CMIP: variants seen among roughly 807,000 people sequenced by gnomAD.
The protein encoded by CMIP is C-Maf-inducing protein.
A neutral mutation model predicts 97.3 loss-of-function variants in CMIP; 13 were observed. The observed-to-expected ratio is 0.13, with a 90% CI of 0.09 to 0.21. The LOEUF (loss-of-function observed/expected upper bound fraction) is 0.21. CMIP is among the 10% of genes least tolerant of loss of function. The probability of loss-of-function intolerance (pLI) is 1.00; values close to 1 mark genes in which losing one functional copy is unlikely to be tolerated. For synonymous variants in CMIP, 538 were observed against 436.3 expected, an observed-to-expected ratio of 1.23 and a Z score of -2.91; for missense variants, 847 against 1,024.9, an observed-to-expected ratio of 0.83 and a Z score of 2.37.
intron 1 of CMIP, among the ~76,000 whole-genome samples, chr16:81,481,638 C>T (rs1329665218): frequency 6.6e-6 from 1 of 152,130 alleles, no homozygotes; most frequent in East Asian, 1.9e-4. Flanking sequence ...TGACAAATGA[C>T]CACAGGCTTT....
At chr16:81,687,983 G>C (rs1402183036) in intron 10 of CMIP, among the ~76,000 whole-genome samples, 1 of 152,204 alleles carries the variant, frequency 6.6e-6, no homozygotes, top group East Asian at 1.9e-4. Flanking sequence ...TCCCATGAGC[G>C]AACACAAGCA....
At chr16:81,688,912 G>A (rs185954438) in intron 10 of CMIP, among the ~76,000 whole-genome samples, 13 of 152,234 alleles carry the variant, frequency 8.5e-5, no homozygotes, top group Admixed American at 4.6e-4. Flanking sequence ...TGCGGTGTTC[G>A]TTTTCTGTCC....
At chr16:81,525,355 C>A (rs886880359) in intron 1 of CMIP, among the ~76,000 whole-genome samples, 1 of 152,040 alleles carries the variant, frequency 6.6e-6, no homozygotes, top group Non-Finnish European at 1.5e-5. Context: ...GTTGGCCAGG[C>A]TGGTCTTAAA....
At chr16:81,516,361 G>A (rs1422849179) in intron 1 of CMIP, among the ~76,000 whole-genome samples, 2 of 152,088 alleles carry the variant, frequency 1.3e-5, no homozygotes, top group Non-Finnish European at 2.9e-5. Context: ...GGGTCCCCTC[G>A]TCCACCCGAG....
At chr16:81,638,539 C>T (rs965091826) in intron 3 of CMIP, among the ~76,000 whole-genome samples, 2 of 152,040 alleles carry the variant, frequency 1.3e-5, no homozygotes, top group African/African-American at 4.8e-5. Flanking sequence ...ATAACACGCC[C>T]GAGGCGACGC....
At chr16:81,685,589 G>T (rs4889365) in intron 10 of CMIP, among the ~76,000 whole-genome samples, 4 of 151,716 alleles carry the variant, frequency 2.6e-5, no homozygotes, top group Admixed American at 6.6e-5. Context: ...CTGTCACCGA[G>T]GCTGGAGTAT....
intron 1 of CMIP, among the ~76,000 whole-genome samples, chr16:81,499,327 T>A (rs1018157079): frequency 6.6e-5 from 10 of 152,306 alleles, no homozygotes; most frequent in African/African-American, 2.2e-4. Context: ...CATACTTGTC[T>A]CTGCACACAC....
At chr16:81,615,117 TGTG>T (rs2091893890) in intron 2 of CMIP, among the ~76,000 whole-genome samples, 1 of 151,046 alleles carries the variant, frequency 6.6e-6, no homozygotes, top group Admixed American at 6.6e-5. Context: ...GGTATGTGTC[TGTG>T]GTGTGTGTGT....
At chr16:81,706,847 G>C (rs1331872210) in intron 19 of CMIP, among the ~76,000 whole-genome samples, 167 bp from the exon 20 acceptor site, 1 of 152,148 alleles carries the variant, frequency 6.6e-6, no homozygotes, top group Non-Finnish European at 1.5e-5. Flanking sequence ...GACTTTCGGT[G>C]TCTAGTGGGC....
Position 81,660,898 on chromosome 16 carries a change from G to A in CMIP, c.696G>A (p.Leu232=). 2 of 1,613,916 alleles carry A rather than the reference G, an allele frequency of 1.2e-6. No individual in the cohort carries two copies. Among genetic ancestry groups the A allele is most frequent in the Non-Finnish European group, 1.7e-6 (2 of 1,179,888 alleles). Residue 232 remains leucine, a synonymous_variant, in exon 6 of 21, where the codon TTG becomes TTA. Coordinates refer to ENST00000537098, the MANE Select transcript of CMIP (RefSeq NM_198390.3). The part of the protein sequence containing the change: ...HENIIVAIAP[L]LENNHPPPDL... ...TTGTGTTTCAGGCAATCGCTCCTTT[G>A]CTGGAAAACAACCACCCACCACCAG...
At chr16:81,510,540 C>T (rs756071579) in intron 1 of CMIP, among the ~76,000 whole-genome samples, 5 of 152,106 alleles carry the variant, frequency 3.3e-5, no homozygotes, top group Non-Finnish European at 5.9e-5. Flanking sequence ...TGCACAAAGT[C>T]ACACAACCAG....
At chr16:81,458,990 ATCACTG>A (rs1906732431) in intron 1 of CMIP, among the ~76,000 whole-genome samples, 1 of 152,004 alleles carries the variant, frequency 6.6e-6, no homozygotes, top group Non-Finnish European at 1.5e-5. Context: ...CGCTGTCACC[ATCACTG>A]TCACCATCAC....
chr16:81,589,595 G>A (rs781053755), intron 1 of CMIP, among the ~76,000 whole-genome samples: 2 of 152,086 alleles, frequency 1.3e-5, no homozygotes, highest in African/African-American at 2.4e-5. Context: ...TCTGTGGGAC[G>A]ATGCAGGCAT....
chr16:81,453,672 C>T lies in CMIP; in HGVS notation c.300+8131C>T, dbSNP rs1048325660. Among the ~76,000 whole-genome samples the T allele has an allele frequency of 8.5e-5, 13 of 152,220 alleles. No individual in the cohort carries two copies. The highest frequency in any genetic ancestry group is 3.3e-4 in the Admixed American group (5 of 15,288). On this transcript the variant is annotated intron_variant, in intron 1 of 20. Transcript: ENST00000537098. This position sits in a 1 kb window ranked among gnomAD's most constrained non-coding sequence, Gnocchi z 4.0. ...TGTGTTCCCCAGGCAGGCTAGCTGC[C>T]GTAACACGCAGCCCTGGCATCTGGG...
intron 1 of CMIP, among the ~76,000 whole-genome samples, chr16:81,604,192 G>C (rs771948483): frequency 6.6e-6 from 1 of 150,954 alleles, no homozygotes; most frequent in African/African-American, 2.4e-5. Context: ...TCAGGAGTTC[G>C]AGACCAGCCT....
At chr16:81,598,741 C>T (rs1396501601) in intron 1 of CMIP, among the ~76,000 whole-genome samples, 2 of 152,060 alleles carry the variant, frequency 1.3e-5, no homozygotes, top group African/African-American at 2.4e-5. Flanking sequence ...CTGATGCATG[C>T]GGATCACCTG....
At chr16:81,703,826 C>G in intron 17 of CMIP, 113 bp from the exon 18 acceptor site, 1 of 1,410,398 alleles carries the variant, frequency 7.1e-7, no homozygotes, top group South Asian at 1.4e-5. Flanking sequence ...TACCGCCCCC[C>G]AGGAACAGCT....
chr16:81,594,713 A>G (rs1673893916), intron 1 of CMIP, among the ~76,000 whole-genome samples: 1 of 151,102 alleles, frequency 6.6e-6, no homozygotes, highest in Admixed American at 6.6e-5. Flanking sequence ...TCCCGGGTTC[A>G]TGCCATTCTC....
intron 1 of CMIP, among the ~76,000 whole-genome samples, chr16:81,487,669 T>C (rs2089339660): frequency 6.6e-6 from 1 of 152,232 alleles, no homozygotes; most frequent in African/African-American, 2.4e-5. Flanking sequence ...TTAACCACTC[T>C]GAGCCTCAGC....
Sources: gnomAD v4.1 joint callset for allele counts (sites outside exome capture counted in the v4.1 genomes callset) on GRCh38, gnomAD v4.1.1 for gene constraint, Gnocchi (gnomAD v3.1) non-coding constraint, MANE v1.5 for transcripts, NCBI Gene and HGNC (gene_info 2026-07-23, HGNC 2026-07-21) for gene names.